The following CCDC50 variants were observed in gnomAD, a reference collection of about 807,000 sequenced individuals.
CCDC50 encodes the protein coiled-coil domain containing 50.
Under a neutral mutation model 70.2 loss-of-function variants are expected in CCDC50, and 54 were observed. That is an observed-to-expected ratio of 0.77 (90% confidence interval 0.62 to 0.96). CCDC50 has a LOEUF of 0.96. CCDC50 is among the 50% of genes least tolerant of loss of function. The probability of loss-of-function intolerance (pLI) is 0.00; values close to 1 mark genes in which losing one functional copy is unlikely to be tolerated. For missense variants in CCDC50, 558 were observed against 578.7 expected (o/e 0.96, Z 0.37); for synonymous variants, 216 against 198.8 (o/e 1.09, Z -0.73).
intron 4 of CCDC50, among the ~76,000 whole-genome samples, chr3:191,363,874 T>G (rs1041828079): frequency 6.6e-6 from 1 of 152,192 alleles, no homozygotes; most frequent in South Asian, 2.1e-4. Context: ...CTGTCTAGTA[T>G]GTTGTCAATA....
intron 1 of CCDC50, among the ~76,000 whole-genome samples, chr3:191,339,517 C>T (rs1446273319): frequency 6.6e-6 from 1 of 152,154 alleles, no homozygotes; most frequent in Non-Finnish European, 1.5e-5. Flanking sequence ...GAGGGTATTA[C>T]ATGATAACCA....
chr3:191,353,497 T>C (rs1045137067), intron 1 of CCDC50, among the ~76,000 whole-genome samples: 1 of 141,440 alleles, frequency 7.1e-6, no homozygotes. Context: ...AGGCTGTTTA[T>C]GCTGTTTACA....
rs527310406 is a variant in CCDC50 at position 191,360,971 on chromosome 3, TTCTCA to T, written c.240-96_240-92del. 1.9e-4 allele frequency: 154 copies of T among 812,884 alleles called. No homozygotes were observed. In the African/African-American group the frequency reaches 2.1e-3, roughly 11 times the overall value. 50.4% of individuals were successfully genotyped at this position (812,884 alleles called of 1,614,324 possible). The stretch of plus-strand genomic sequence containing the variant: ...AGATAAAGTGAGAAAAATAATGTAC[TTCTCA>T]TATAGTGAGTATTCAATAAATTGTA... On this transcript the variant is annotated intron_variant, in intron 3 of 11. Transcript: ENST00000392455.
At position 191,342,024 on chromosome 3, in the gene CCDC50, T is replaced by C. The variant is rs531859190; in HGVS notation, c.49+12301T>C. 2.5e-4 allele frequency among the ~76,000 whole-genome samples: 38 copies of C among 152,368 alleles called. 1 individual carries two copies. Among genetic ancestry groups the C allele is most frequent in the Admixed American group, 2.2e-3 (33 of 15,306 alleles). The stretch of plus-strand genomic sequence containing the variant: ...TATAAAACTGATTTGATTCTAGGAA[T>C]GTACCCATGATCTCAAGGTATCTTT... On this transcript the variant is annotated intron_variant, in intron 1 of 11. Coordinates refer to ENST00000392455, the MANE Select transcript of CCDC50 (RefSeq NM_178335.3).
At chr3:191,349,957 T>C (rs1712047732) in intron 1 of CCDC50, among the ~76,000 whole-genome samples, 1 of 100,952 alleles carries the variant, frequency 9.9e-6, no homozygotes, top group African/African-American at 4.2e-5. Context: ...TTAACTAGTA[T>C]TTAATAATAC....
At chr3:191,390,388 A>G (rs1713649736) in intron 11 of CCDC50, among the ~76,000 whole-genome samples, 1 of 152,278 alleles carries the variant, frequency 6.6e-6, no homozygotes, top group Non-Finnish European at 1.5e-5. Flanking sequence ...AAGGGTCCCG[A>G]TTCAGACTCC....
In CCDC50 at chr3:191,397,459, A is replaced by T. The variant is rs941734882; in HGVS notation, c.*5699A>T. 6.6e-6 allele frequency: 1 copy of T among 152,244 alleles called. No homozygotes were observed. Among genetic ancestry groups the T allele is most frequent in the Non-Finnish European group, 1.5e-5 (1 of 68,038 alleles). 9.4% of individuals were successfully genotyped at this position (152,244 alleles called of 1,614,324 possible). Reference sequence around the variant, plus strand: ...CCCAATATTTATTTCATAAAGTGTTATAAATATTGAGAAGATACACTGGGG... The same window carrying T: ...CCCAATATTTATTTCATAAAGTGTTTTAAATATTGAGAAGATACACTGGGG... On this transcript the variant is annotated 3_prime_UTR_variant, in exon 12 of 12. Coordinates refer to ENST00000392455, the MANE Select transcript of CCDC50 (RefSeq NM_178335.3).
chr3:191,345,331 A>G (rs1711874929), intron 1 of CCDC50, among the ~76,000 whole-genome samples: 1 of 152,204 alleles, frequency 6.6e-6, no homozygotes, highest in African/African-American at 2.4e-5. Flanking sequence ...TTTAAAAATC[A>G]TTTATGGTAG....
chr3:191,361,237 C>T (rs533813919), intron 4 of CCDC50, 78 bp downstream of exon 4: 34 of 996,816 alleles, frequency 3.4e-5, no homozygotes, highest in South Asian at 1.9e-4. Flanking sequence ...CTGTAGGTCA[C>T]GGGCTCAATG....
At chr3:191,388,922 CTT>C (rs5855367) in intron 10 of CCDC50, among the ~76,000 whole-genome samples, 366 of 146,500 alleles carry the variant, frequency 2.5e-3, no homozygotes, top group African/African-American at 2.8e-3. Flanking sequence ...AAAATTATAT[CTT>C]TTTTTTTTTT....
chr3:191,336,780 ACCC>A (rs1711535906), intron 1 of CCDC50, among the ~76,000 whole-genome samples: 1 of 152,158 alleles, frequency 6.6e-6, no homozygotes, highest in African/African-American at 2.4e-5. Flanking sequence ...TACTGTGGCC[ACCC>A]CAATACAAGG....
At chr3:191,354,915 C>T (rs769513623) in intron 1 of CCDC50, among the ~76,000 whole-genome samples, 5 of 152,064 alleles carry the variant, frequency 3.3e-5, no homozygotes, top group African/African-American at 7.2e-5. Flanking sequence ...TACCTAATAC[C>T]GTTCATTTAG....
At chr3:191,380,612 T>C in intron 7 of CCDC50, 75 bp from the exon 8 acceptor site, 1 of 1,417,240 alleles carries the variant, frequency 7.1e-7, no homozygotes, top group Non-Finnish European at 9.8e-7. Flanking sequence ...AACCAGCTTA[T>C]TTTGTACAAG....
intron 4 of CCDC50, among the ~76,000 whole-genome samples, chr3:191,367,665 G>A (rs1412964155): frequency 4.6e-5 from 7 of 152,168 alleles, no homozygotes; most frequent in African/African-American, 1.4e-4. Context: ...GTGTCTACCA[G>A]GTCTGTGGAG....
intron 1 of CCDC50, among the ~76,000 whole-genome samples, chr3:191,334,501 G>T (rs1718081278): frequency 6.6e-6 from 1 of 152,082 alleles, no homozygotes; most frequent in Non-Finnish European, 1.5e-5. Flanking sequence ...ACTGTTCTAG[G>T]CCAACTTCCT....
Position 191,374,742 on chromosome 3 carries a change from T to G in CCDC50, c.449-320T>G, listed in dbSNP as rs114043663. On this transcript the variant is annotated intron_variant, in intron 5 of 11. Transcript: ENST00000392455. Reference sequence around the variant, plus strand: ...TTCAAATTGGTTTATAAATAGAACTTAATGTTTAATGGCTATAATTTTGTT... The same window carrying G: ...TTCAAATTGGTTTATAAATAGAACTGAATGTTTAATGGCTATAATTTTGTT... 7.5e-3 allele frequency among the ~76,000 whole-genome samples: 1,149 copies of G among 152,328 alleles called. 6 individuals are homozygous for G. The highest frequency in any genetic ancestry group is 0.025 in the African/African-American group (1,050 of 41,580).
intron 10 of CCDC50, among the ~76,000 whole-genome samples, chr3:191,385,958 A>T (rs369174): frequency 0.36 from 55,147 of 151,916 alleles, 11,546 homozygotes; most frequent in Non-Finnish European, 0.49. Context: ...ATTTCAAGGG[A>T]TCTGTACTCT....
intron 5 of CCDC50, among the ~76,000 whole-genome samples, chr3:191,371,512 C>CA (rs1712912989): frequency 6.6e-6 from 1 of 152,170 alleles, no homozygotes; most frequent in African/African-American, 2.4e-5. Context: ...AAGGGCCTTG[C>CA]AAACCAGTCA....
At chr3:191,390,352 G>A (rs989050417) in intron 11 of CCDC50, among the ~76,000 whole-genome samples, 1 of 28,280 alleles carries the variant, frequency 3.5e-5, no homozygotes. Context: ...TCAATTGGAC[G>A]AAACCTTTAA....
Sources: gnomAD v4.1 joint callset for allele counts (sites outside exome capture counted in the v4.1 genomes callset) on GRCh38, gnomAD v4.1.1 for gene constraint, MANE v1.5 for transcripts, NCBI Gene and HGNC (gene_info 2026-07-23, HGNC 2026-07-21) for gene names.